SLC44A1: variants seen among roughly 807,000 people sequenced by gnomAD.
SLC44A1 encodes the protein choline transporter-like protein 1.
In SLC44A1, 26 loss-of-function variants were observed where a neutral mutation model predicts 79.3. The observed-to-expected ratio is 0.33, with a 90% confidence interval of 0.24 to 0.46. SLC44A1 has a LOEUF of 0.46. Among genes scored for constraint, SLC44A1 ranks in the 20% least tolerant of loss-of-function variants. SLC44A1 has a pLI of 1.00. For missense variants in SLC44A1, 688 were observed against 798.1 expected, an observed-to-expected ratio of 0.86 and a Z score of 1.66; for synonymous variants, 263 against 286.2, an observed-to-expected ratio of 0.92 and a Z score of 0.82.
At chr9:105,298,516 A>T (rs540785599) in intron 1 of SLC44A1, among the ~76,000 whole-genome samples, 6 of 152,096 alleles carry the variant, frequency 3.9e-5, no homozygotes, top group African/African-American at 1.4e-4. Context: ...CGCCCAGCTA[A>T]TGTTTGTATT....
Position 105,389,432 on chromosome 9 carries a change from A to C in SLC44A1, c.*376A>C. ...ATAGGTAAAATTATTGTACCTAATTATGTCTAAAGTTTATTCAGGGGTAAT... is the reference window on the plus strand; with the variant it reads ...ATAGGTAAAATTATTGTACCTAATTCTGTCTAAAGTTTATTCAGGGGTAAT... On this transcript the variant is annotated 3_prime_UTR_variant, in exon 16 of 16. Coordinates refer to ENST00000374720, the MANE Select transcript of SLC44A1 (RefSeq NM_080546.5). 9.7e-7 allele frequency: 1 copy of C among 1,031,466 alleles called. No homozygotes were observed. Among genetic ancestry groups the C allele is most frequent in the Non-Finnish European group, 1.2e-6 (1 of 857,486 alleles). 63.9% of individuals were successfully genotyped at this position (1,031,466 alleles called of 1,614,324 possible).
At chr9:105,280,760 A>G (rs949278634) in intron 1 of SLC44A1, among the ~76,000 whole-genome samples, 3 of 152,224 alleles carry the variant, frequency 2.0e-5, no homozygotes, top group African/African-American at 7.2e-5. Context: ...TTTAACAACC[A>G]GCTCTCCAAG....
At chr9:105,364,445 A>T in intron 9 of SLC44A1, 110 bp from the exon 10 acceptor site, 1 of 823,472 alleles carries the variant, frequency 1.2e-6, no homozygotes. Context: ...TACCACACAG[A>T]TCAGAAGGTT....
At chr9:105,296,170 C>A (rs1830716497) in intron 1 of SLC44A1, among the ~76,000 whole-genome samples, 1 of 152,160 alleles carries the variant, frequency 6.6e-6, no homozygotes, top group Non-Finnish European at 1.5e-5. Flanking sequence ...CTCACATTTG[C>A]TTCTCAAAAC....
chr9:105,349,037 G>C (rs118000666), intron 5 of SLC44A1, among the ~76,000 whole-genome samples: 3,926 of 152,116 alleles, frequency 0.026, 90 homozygotes, highest in Non-Finnish European at 0.031. Flanking sequence ...AATGTTCTTT[G>C]GAAGGATCTC....
At chr9:105,422,281 CTTTTTTTTTTTTT>C (rs554922812) in intron 15 of SLC44A1, among the ~76,000 whole-genome samples, 6 of 95,908 alleles carry the variant, frequency 6.3e-5, no homozygotes, top group African/African-American at 2.7e-4. Flanking sequence ...CTGCTCCATC[CTTTTTTTTTTTTT>C]TTTTTTTTTT....
chr9:105,297,334 T>C (rs1830750428), intron 1 of SLC44A1, among the ~76,000 whole-genome samples: 1 of 152,218 alleles, frequency 6.6e-6, no homozygotes, highest in African/African-American at 2.4e-5. Context: ...CATCTGGGGT[T>C]TGAATTCCCT....
intron 2 of SLC44A1, chr9:105,299,757 C>G (rs1203358260): frequency 1.0e-6 from 1 of 986,310 alleles, no homozygotes; most frequent in African/African-American, 1.7e-5. Context: ...CTGCTGCCTT[C>G]TGTGTCTGCT....
chr9:105,308,294 A>G (rs1831085634), intron 2 of SLC44A1, among the ~76,000 whole-genome samples: 1 of 152,226 alleles, frequency 6.6e-6, no homozygotes, highest in South Asian at 2.1e-4. Flanking sequence ...TTGAGCTCTT[A>G]CTATATGCCA....
chr9:105,404,625 A>G (rs1019563822), intron 15 of SLC44A1, among the ~76,000 whole-genome samples: 17 of 151,464 alleles, frequency 1.1e-4, no homozygotes, highest in Non-Finnish European at 2.4e-4. Flanking sequence ...TAGGACTACG[A>G]TGATAAATAA....
rs1284679629 is a variant in SLC44A1 at position 105,391,094 on chromosome 9, G to T, written c.*2038G>T. ...AGAATTGGCAAAAGTCTAGAAGATG[G>T]GTATCAAAACAGAAGACATTCCAGG... On this transcript the variant is annotated 3_prime_UTR_variant, in exon 16 of 16. Coordinates refer to ENST00000374720, the MANE Select transcript of SLC44A1 (RefSeq NM_080546.5). 5 of 985,694 alleles carry T rather than the reference G, an allele frequency of 5.1e-6. No individual in the cohort carries two copies. The East Asian group carries it at 5.7e-4, about 112-fold the overall frequency. The allele number at this position is 985,694 out of a possible 1,614,324, so 61.1% of individuals were successfully genotyped here.
At position 105,379,524 on chromosome 9, in the gene SLC44A1, A is replaced by G. The variant is rs115776493; in HGVS notation, c.1633-3599A>G. 4.1e-3 allele frequency among the ~76,000 whole-genome samples: 625 copies of G among 152,348 alleles called. 7 individuals carry two copies. Among genetic ancestry groups the G allele is most frequent in the African/African-American group, 0.014 (595 of 41,574 alleles). ...ACGTGGAACCGTTCTACTATTTCTT[A>G]CAACTGCATGTGAATTCACAATTAC... On this transcript the variant is annotated intron_variant, in intron 13 of 15. Coordinates refer to ENST00000374720, the MANE Select transcript of SLC44A1 (RefSeq NM_080546.5).
At position 105,339,511 on chromosome 9, in the gene SLC44A1, G is replaced by A. The variant is rs539019750; in HGVS notation, c.406+3812G>A. Among the ~76,000 whole-genome samples the A allele has an allele frequency of 5.9e-5, 9 of 152,188 alleles. No individual in the cohort carries two copies. In the East Asian group the frequency reaches 7.7e-4, roughly 13 times the overall value. ...CAAGAGGTGGAAGCAACCTAATGTC[G>A]GTAGACCAATAAATGGATAAAGAAA... On this transcript the variant is annotated intron_variant, in intron 4 of 15. Coordinates refer to ENST00000374720, the MANE Select transcript of SLC44A1 (RefSeq NM_080546.5).
intron 15 of SLC44A1, among the ~76,000 whole-genome samples, chr9:105,427,569 C>T (rs974854342): frequency 7.2e-5 from 11 of 151,926 alleles, no homozygotes; most frequent in Non-Finnish European, 2.9e-5. Flanking sequence ...CCACTGCACC[C>T]GGCCTCAGAA....
chr9:105,254,343 A>G (rs544435573), intron 1 of SLC44A1, among the ~76,000 whole-genome samples: 1 of 152,282 alleles, frequency 6.6e-6, no homozygotes, highest in Admixed American at 6.5e-5. Context: ...AGAGGGCTGC[A>G]CACTTATCCC....
chr9:105,428,324 C>G (rs1321615488), intron 15 of SLC44A1, among the ~76,000 whole-genome samples: 1 of 152,032 alleles, frequency 6.6e-6, no homozygotes, highest in African/African-American at 2.4e-5. Context: ...TTATTAATAG[C>G]TAGAAATAAT....
intron 1 of SLC44A1, among the ~76,000 whole-genome samples, chr9:105,268,958 G>A (rs328021): frequency 0.22 from 33,860 of 152,124 alleles, 6,850 homozygotes; most frequent in African/African-American, 0.54. Context: ...AAGAAAGCCA[G>A]CTTTCCCTTT....
intron 3 of SLC44A1, among the ~76,000 whole-genome samples, chr9:105,322,287 G>T (rs12350767): frequency 0.12 from 17,880 of 152,234 alleles, 1,388 homozygotes; most frequent in Non-Finnish European, 0.18. Context: ...GACTTTACGT[G>T]TGTGTGCCCC....
chr9:105,244,669 G>GCCT lies in SLC44A1; in HGVS notation c.-198_-197insTCC. On this transcript the variant is annotated 5_prime_UTR_variant, in exon 1 of 16. Transcript: ENST00000374720. ...GAGCAGGAGACGCGTAGCCGCCGTC[G>GCCT]CCGCCGCCGGGGGATGTGGCCGGCG... 1 of 267,420 alleles carries GCCT rather than the reference G, an allele frequency of 3.7e-6. No homozygotes were observed. Among genetic ancestry groups the GCCT allele is most frequent in the Non-Finnish European group, 7.0e-6 (1 of 142,966 alleles). 16.6% of individuals were successfully genotyped at this position (267,420 alleles called of 1,614,324 possible).
Sources: gnomAD v4.1 joint callset for allele counts (sites outside exome capture counted in the v4.1 genomes callset) on GRCh38, gnomAD v4.1.1 for gene constraint, MANE v1.5 for transcripts, NCBI Gene and HGNC (gene_info 2026-07-23, HGNC 2026-07-21) for gene names.